Variants in NALF1 observed in about 807,000 individuals in gnomAD.
The protein encoded by NALF1 is NALCN channel auxiliary factor 1.
NALF1 carries 3 observed loss-of-function variants against 48.4 expected under a neutral mutation model. The ratio of observed to expected loss-of-function variants is 0.06; its 90% CI spans 0.03 to 0.16. NALF1 has a LOEUF of 0.16. Ranked by LOEUF, NALF1 falls within the 10% of genes least tolerant of loss-of-function variation. NALF1 has a pLI of 1.00. For synonymous variants in NALF1, 262 were observed against 245.7 expected, an observed-to-expected ratio of 1.07 and a Z score of -0.62; for missense variants, 526 against 571.5, an observed-to-expected ratio of 0.92 and a Z score of 0.81.
intron 1 of NALF1, among the ~76,000 whole-genome samples, chr13:107,497,333 G>GA (rs1272014296): frequency 6.6e-6 from 1 of 152,078 alleles, no homozygotes; most frequent in African/African-American, 2.4e-5. Flanking sequence ...TTATGTAACA[G>GA]AAAAGTCATA....
intron 1 of NALF1, among the ~76,000 whole-genome samples, chr13:107,463,895 C>T (rs557341904): frequency 2.6e-5 from 4 of 152,304 alleles, no homozygotes; most frequent in African/African-American, 9.6e-5. Flanking sequence ...CAGTTTCTTG[C>T]CCTTGGGAAG....
intron 1 of NALF1, among the ~76,000 whole-genome samples, chr13:107,533,876 A>G (rs909690176): frequency 3.3e-5 from 5 of 152,138 alleles, no homozygotes; most frequent in Admixed American, 1.3e-4. Context: ...AGGTAAAATC[A>G]GTTCTACAAA....
At chr13:107,701,115 C>T (rs1052252707) in intron 1 of NALF1, among the ~76,000 whole-genome samples, 1 of 152,156 alleles carries the variant, frequency 6.6e-6, no homozygotes, top group African/African-American at 2.4e-5. Flanking sequence ...CCATATAACT[C>T]AGCAATCCCT....
At chr13:107,339,032 G>A (rs1882617264) in intron 1 of NALF1, among the ~76,000 whole-genome samples, 1 of 151,656 alleles carries the variant, frequency 6.6e-6, no homozygotes, top group Non-Finnish European at 1.5e-5. Flanking sequence ...TACTCGGGAG[G>A]CTGAGGCAGG....
intron 1 of NALF1, among the ~76,000 whole-genome samples, chr13:107,277,937 C>T (rs1353998317): frequency 6.6e-6 from 1 of 152,146 alleles, no homozygotes; most frequent in Non-Finnish European, 1.5e-5. Context: ...GAATGTCCAT[C>T]CCACGTGTTA....
intron 1 of NALF1, among the ~76,000 whole-genome samples, chr13:107,280,623 T>C (rs1260803425): frequency 1.3e-5 from 2 of 152,196 alleles, no homozygotes; most frequent in South Asian, 2.1e-4. Flanking sequence ...ATTCTTAGCA[T>C]AAAATTTTTC....
At chr13:107,260,045 G>A (rs921491088) in intron 1 of NALF1, among the ~76,000 whole-genome samples, 5 of 152,178 alleles carry the variant, frequency 3.3e-5, no homozygotes, top group Admixed American at 2.0e-4. Context: ...ACATGGAAGA[G>A]ACATGGAAAG....
chr13:107,547,745 G>A (rs73591188), intron 1 of NALF1, among the ~76,000 whole-genome samples: 17,064 of 152,002 alleles, frequency 0.11, 1,308 homozygotes, highest in Admixed American at 0.19. Context: ...AGGACAACAC[G>A]GCATTTAACA....
chr13:107,262,620 C>A (rs763262514), intron 1 of NALF1, among the ~76,000 whole-genome samples: 7 of 152,070 alleles, frequency 4.6e-5, no homozygotes, highest in Non-Finnish European at 7.3e-5. Context: ...TACACACATG[C>A]AGAAATGTAA....
chr13:107,568,908 T>C (rs1394247960), intron 1 of NALF1, among the ~76,000 whole-genome samples: 1 of 152,222 alleles, frequency 6.6e-6, no homozygotes, highest in Non-Finnish European at 1.5e-5. Context: ...AACAGTCTTT[T>C]GCAGAACATT....
At chr13:107,740,995 T>C (rs1231958391) in intron 1 of NALF1, among the ~76,000 whole-genome samples, 1 of 152,242 alleles carries the variant, frequency 6.6e-6, no homozygotes, top group Non-Finnish European at 1.5e-5. Context: ...TATTCATTCA[T>C]GTATTCATTT....
intron 1 of NALF1, among the ~76,000 whole-genome samples, chr13:107,447,507 G>A (rs866252964): frequency 3.3e-5 from 5 of 152,236 alleles, no homozygotes; most frequent in South Asian, 2.1e-4. Context: ...TAGGAATCCC[G>A]GGAGCTAGCT....
At chr13:107,472,539 G>A (rs1381577577) in intron 1 of NALF1, among the ~76,000 whole-genome samples, 1 of 152,134 alleles carries the variant, frequency 6.6e-6, no homozygotes, top group Non-Finnish European at 1.5e-5. Flanking sequence ...CATCTAATCA[G>A]CTGCCAGTGT....
At chr13:107,174,606 C>G (rs183988631) in intron 2 of NALF1, among the ~76,000 whole-genome samples, 1 of 152,060 alleles carries the variant, frequency 6.6e-6, no homozygotes, top group African/African-American at 2.4e-5. Flanking sequence ...CCACCCGCCT[C>G]GGCCTCCCAG....
chr13:107,804,137 T>G lies in NALF1; in HGVS notation c.915+61545A>C, dbSNP rs921790263. ...TCCTTTCTAAAATCCTGCCTACAAG[T>G]GCCTAACCCACACCCTGGGCTTTTC... On this transcript the variant is annotated intron_variant, in intron 1 of 2. Transcript: ENST00000375915. Among the ~76,000 whole-genome samples the G allele has an allele frequency of 3.9e-5, 6 of 152,314 alleles. No individual in the cohort carries two copies. In the East Asian group the frequency reaches 1.2e-3, roughly 29 times the overall value.
chr13:107,575,203 T>C lies in NALF1; in HGVS notation c.915+290479A>G, dbSNP rs1325519547. On this transcript the variant is annotated intron_variant, in intron 1 of 2. Transcript: ENST00000375915. ...GTAATAGAAGAGAGCCTTAGAACTT[T>C]GGTGAATTTTTCACCTTATCAAAAC... 3.3e-5 allele frequency among the ~76,000 whole-genome samples: 5 copies of C among 152,198 alleles called. No homozygotes were observed. In the South Asian group the frequency reaches 8.3e-4, roughly 25 times the overall value.
At chr13:107,825,778 C>CTTGT (rs200563251) in intron 1 of NALF1, among the ~76,000 whole-genome samples, 3 of 151,958 alleles carry the variant, frequency 2.0e-5, no homozygotes, top group African/African-American at 4.8e-5. Flanking sequence ...AGTACTATTT[C>CTTGT]TTGTTTGTTT....
At chr13:107,405,688 C>A (rs1239592420) in intron 1 of NALF1, among the ~76,000 whole-genome samples, 2 of 151,840 alleles carry the variant, frequency 1.3e-5, no homozygotes, top group African/African-American at 4.8e-5. Context: ...TGTGGCCACA[C>A]TGATTAAAGA....
rs772330348 is a variant in NALF1, at chr13:107,167,762, TTG to T, written c.*2733_*2734del. 28 of 84,450 alleles carry T rather than the reference TTG, an allele frequency of 3.3e-4. No individual in the cohort carries two copies. In the South Asian group the frequency reaches 3.4e-3, roughly 10 times the overall value. The allele number at this position is 84,450 out of a possible 1,614,324, so 5.2% of individuals were successfully genotyped here. Reference sequence around the variant, plus strand: ...CCAACTTTCAAAGCTGTGTTTTTTTTTGGGGGGTGGGGGGCAGTGTGTACCTC... The same window carrying T: ...CCAACTTTCAAAGCTGTGTTTTTTTTGGGGGTGGGGGGCAGTGTGTACCTC... On this transcript the variant is annotated 3_prime_UTR_variant, in exon 3 of 3. Coordinates refer to ENST00000375915, the MANE Select transcript of NALF1 (RefSeq NM_001080396.3).
Sources: gnomAD v4.1 joint callset for allele counts (sites outside exome capture counted in the v4.1 genomes callset) on GRCh38, gnomAD v4.1.1 for gene constraint, MANE v1.5 for transcripts, NCBI Gene and HGNC (gene_info 2026-07-23, HGNC 2026-07-21) for gene names.